FSCN2: variants seen among roughly 807,000 people sequenced by gnomAD.
FSCN2 encodes the protein fascin-2.
In FSCN2, 46 loss-of-function variants were observed where a neutral mutation model predicts 37.8. The observed-to-expected ratio is 1.22, with a 90% confidence interval of 0.96 to 1.56. The LOEUF is 1.56. FSCN2 is among the 40% of genes most tolerant of loss of function. The pLI is 0.00. For synonymous variants in FSCN2, 351 were observed against 309.4 expected, an observed-to-expected ratio of 1.13 and a Z score of -1.41; for missense variants, 844 against 730.4, an observed-to-expected ratio of 1.16 and a Z score of -1.79.
intron 1 of FSCN2, among the ~76,000 whole-genome samples, chr17:81,533,742 C>CCTATTT (rs1162598545): frequency 6.6e-6 from 1 of 152,224 alleles, no homozygotes; most frequent in East Asian, 1.9e-4. Context: ...CCACTCCTCT[C>CCTATTT]CTATTTTGAG....
chr17:81,529,246 A>C lies in FSCN2; in HGVS notation c.715A>C (p.Lys239Gln). The change falls in exon 1 of 5, where the codon AAG (lysine) becomes CAG (glutamine). Residue 239 changes from lysine to glutamine, a missense_variant. By Grantham distance (53) the Lys-to-Gln change is moderately conservative. Coordinates refer to ENST00000417245, the MANE Select transcript of FSCN2 (RefSeq NM_012418.4). ...ACCCGTGGGGCCCGCAGGCACCCTC[A>C]AGGCCGGCCGAAACACGCGACCTGG... is the stretch of plus-strand genomic sequence containing the variant. ...LAPVGPAGTL[K>Q]AGRNTRPGKD... The C allele has an allele frequency of 6.3e-7, 1 of 1,597,714 alleles. No individual in the cohort carries two copies. Among genetic ancestry groups the C allele is most frequent in the Non-Finnish European group, 8.5e-7 (1 of 1,170,416 alleles).
intron 2 of FSCN2, 42 bp from the exon 3 acceptor site, chr17:81,536,104 A>C (rs1295550987): frequency 6.3e-7 from 1 of 1,593,436 alleles, no homozygotes; most frequent in Non-Finnish European, 8.5e-7. Flanking sequence ...CTGCACCCCC[A>C]TCTCCTGCTG....
chr17:81,531,813 GTGGTGGTGA>G (rs1568078236), intron 1 of FSCN2, among the ~76,000 whole-genome samples: 7 of 105,590 alleles, frequency 6.6e-5, no homozygotes, highest in African/African-American at 3.3e-4. Context: ...GGTGATGATG[GTGGTGGTGA>G]TGGTGGTGGT....
At chr17:81,531,381 GTGGTGA>G (rs1568077291) in intron 1 of FSCN2, among the ~76,000 whole-genome samples, 59 of 72,880 alleles carry the variant, frequency 8.1e-4, no homozygotes, top group African/African-American at 2.6e-3. Flanking sequence ...GGTGGTGATG[GTGGTGA>G]TGGTGATGAT....
chr17:81,531,444 ATGG>A (rs1472704177), intron 1 of FSCN2, among the ~76,000 whole-genome samples: 24 of 55,764 alleles, frequency 4.3e-4, no homozygotes, highest in African/African-American at 1.3e-3. Flanking sequence ...GATGGTGGTG[ATGG>A]TGGTGGTGAT....
At chr17:81,530,017 A>G (rs978744213) in intron 1 of FSCN2, 8 of 288,232 alleles carry the variant, frequency 2.8e-5, no homozygotes, top group South Asian at 1.8e-4. Context: ...TCACTGTGTT[A>G]GCCAGGATGG....
At position 81,536,287 on chromosome 17, in the gene FSCN2, G is replaced by A. The variant is rs1367006449; in HGVS notation, c.1105+20G>A. On this transcript the variant is annotated intron_variant, in intron 3 of 4. Coordinates refer to ENST00000417245, the MANE Select transcript of FSCN2 (RefSeq NM_012418.4). ...TTGTCGGTGAGCACTCTGCCTGCCA[G>A]GTACTGGGGCAGGGGCTGTCTCCAC... is the stretch of plus-strand genomic sequence containing the variant. 1 of 1,587,022 alleles carries A rather than the reference G, an allele frequency of 6.3e-7. No individual in the cohort carries two copies. The highest frequency in any genetic ancestry group is 1.3e-5 in the African/African-American group (1 of 74,532).
rs1355016103 is a variant in FSCN2, at chr17:81,535,208, T to C, written c.983T>C (p.Val328Ala). ...HGGIHATATQ[V>A]SANTMFEMEW... ...GGCATTCACGCCACAGCCACACAAG[T>C]GTGAGTGCACACATCCCTTCCTCCT... Residue 328 changes from valine to alanine, a missense_variant and splice_region_variant, in exon 2 of 5, where the codon GTT becomes GCT. Physicochemically the swap from Val to Ala is moderately conservative, Grantham distance 64. Coordinates refer to ENST00000417245, the MANE Select transcript of FSCN2 (RefSeq NM_012418.4). 2.0e-6 allele frequency: 3 copies of C among 1,528,240 alleles called. No homozygotes were observed. The highest frequency in any genetic ancestry group is 4.0e-5 in the Admixed American group (2 of 50,258). 94.7% of individuals were successfully genotyped at this position (1,528,240 alleles called of 1,614,324 possible). A position where few individuals can be genotyped will look rare whatever the true frequency, so the allele number is the denominator to read the frequency against.
chr17:81,517,956 CAT>C, the FSCN2 span, among the ~76,000 whole-genome samples: 1 of 152,190 alleles, frequency 6.6e-6, no homozygotes, highest in Admixed American at 6.5e-5. Context: ...CAGCCTGCCT[CAT>C]GTGGCCATGC....
At position 81,535,140 on chromosome 17, in the gene FSCN2, C is replaced by A. The variant is rs1404771847; in HGVS notation, c.915C>A (p.Phe305Leu). 3 of 1,534,258 alleles carry A rather than the reference C, an allele frequency of 2.0e-6. No individual in the cohort carries two copies. The highest frequency in any genetic ancestry group is 2.6e-6 in the Non-Finnish European group (3 of 1,145,564). Residue 305 changes from phenylalanine (F) to leucine (L), a missense_variant, in exon 2 of 5, where the codon TTC (phenylalanine) becomes TTA (leucine). Transcript: ENST00000417245. ...ACCAGGAGACAAAGAAGTGCACCTT[C>A]TATTCCAGCACTGGGGGCTACTGGA... ...QIDQETKKCT[F>L]YSSTGGYWTL...
chr17:81,529,501 G>C, intron 1 of FSCN2, 144 bp downstream of exon 1: 1 of 821,466 alleles, frequency 1.2e-6, no homozygotes, highest in Non-Finnish European at 2.1e-6. Flanking sequence ...TGTGGGACAT[G>C]TGTGGCCACT....
In FSCN2 at chr17:81,536,882, C is replaced by T. The variant is rs746458257; in HGVS notation, c.1281C>T (p.Asp427=). Residue 427 remains aspartate, a synonymous_variant, in exon 5 of 5, where the codon GAC becomes GAT. Coordinates refer to ENST00000417245, the MANE Select transcript of FSCN2 (RefSeq NM_012418.4). ...CGCCGTCCCGTCCCCCAGGCCGCGA[C>T]GGAGGGTTCTGGTACACGGGCAGCC... ...SDGAYRIRGR[D]GGFWYTGSHG... 11 of 1,571,846 alleles carry T rather than the reference C, an allele frequency of 7.0e-6. No individual in the cohort carries two copies. The highest frequency in any genetic ancestry group is 2.3e-5 in the East Asian group (1 of 42,766).
Position 81,536,901 on chromosome 17 carries a change from G to A in FSCN2, c.1300G>A (p.Gly434Ser), listed in dbSNP as rs1446613308. The A allele has an allele frequency of 6.3e-7, 1 of 1,574,896 alleles. No homozygotes were observed. The highest frequency in any genetic ancestry group is 1.1e-5 in the South Asian group (1 of 87,646). ...CCGCGACGGAGGGTTCTGGTACACGGGCAGCCACGGCAGCGTGTGCAGCGA... is the reference window on the plus strand; with the variant it reads ...CCGCGACGGAGGGTTCTGGTACACGAGCAGCCACGGCAGCGTGTGCAGCGA... The part of the protein sequence containing the change: ...RGRDGGFWYT[G>S]SHGSVCSDGE... Residue 434 changes from glycine to serine, a missense_variant, in exon 5 of 5, where the codon GGC becomes AGC. Physicochemically the swap from Gly to Ser is moderately conservative, Grantham distance 56. Coordinates refer to ENST00000417245, the MANE Select transcript of FSCN2 (RefSeq NM_012418.4).
the FSCN2 span, among the ~76,000 whole-genome samples, chr17:81,518,863 G>C: frequency 5.9e-5 from 9 of 152,258 alleles, no homozygotes; most frequent in African/African-American, 9.6e-5. Context: ...AAGGGCAAGA[G>C]GTTACTGCTC....
At position 81,536,713 on chromosome 17, in the gene FSCN2, C is replaced by T. The variant is rs777116331; in HGVS notation, c.1197C>T (p.Ser399=). The change falls in exon 4 of 5, where the codon TCC becomes TCT. Residue 399 remains serine, a synonymous_variant. Coordinates refer to ENST00000417245, the MANE Select transcript of FSCN2 (RefSeq NM_012418.4). The stretch of plus-strand genomic sequence containing the variant: ...GCTTCGTCTGCCACCACCGCGGCTC[C>T]AACCAGCTGGACACCAACCGCTCCG... ...LDGFVCHHRG[S]NQLDTNRSVY... 3 of 1,611,402 alleles carry T rather than the reference C, an allele frequency of 1.9e-6. No individual in the cohort carries two copies. Among genetic ancestry groups the T allele is most frequent in the South Asian group, 2.2e-5 (2 of 90,924 alleles).
At position 81,529,214 on chromosome 17, in the gene FSCN2, A is replaced by G; in HGVS notation, c.683A>G (p.Tyr228Cys). ...KLAFKDCDGH[Y>C]LAPVGPAGTL... is the part of the protein sequence containing the mutation. ...GCCTTCAAGGACTGCGACGGCCACT[A>G]CCTGGCACCCGTGGGGCCCGCAGGC... Residue 228 changes from tyrosine to cysteine, a missense_variant, in exon 1 of 5, where the codon TAC becomes TGC. Coordinates refer to ENST00000417245, the MANE Select transcript of FSCN2 (RefSeq NM_012418.4). The G allele has an allele frequency of 6.3e-7, 1 of 1,599,300 alleles. No individual in the cohort carries two copies. The highest frequency in any genetic ancestry group is 1.3e-5 in the African/African-American group (1 of 74,714).
At chr17:81,522,362 CTT>C in the FSCN2 span, among the ~76,000 whole-genome samples, 2 of 152,172 alleles carry the variant, frequency 1.3e-5, no homozygotes, top group African/African-American at 4.8e-5. Flanking sequence ...GGCAATGAGA[CTT>C]TTTTAGAAAG....
intron 1 of FSCN2, chr17:81,530,110 G>C: frequency 3.7e-6 from 1 of 272,490 alleles, no homozygotes; most frequent in Admixed American, 4.2e-5. Context: ...GTGCCCGGCT[G>C]CATTTTCTGG....
At chr17:81,518,601 C>T in the FSCN2 span, among the ~76,000 whole-genome samples, 1 of 152,214 alleles carries the variant, frequency 6.6e-6, no homozygotes, top group Non-Finnish European at 1.5e-5. Context: ...CGCACGGACC[C>T]TCTCCTGCCC....
Sources: gnomAD v4.1 joint callset for allele counts (sites outside exome capture counted in the v4.1 genomes callset) on GRCh38, gnomAD v4.1.1 for gene constraint, MANE v1.5 for transcripts, NCBI Gene and HGNC (gene_info 2026-07-23, HGNC 2026-07-21) for gene names.